Variants in PCDH15 observed in about 807,000 individuals in gnomAD.
PCDH15 encodes protocadherin related 15, also known as protocadherin-15.
A neutral mutation model predicts 178.5 loss-of-function variants in PCDH15; 129 were observed. The ratio of observed to expected loss-of-function variants is 0.72; its 90% CI spans 0.63 to 0.84. The LOEUF (loss-of-function observed/expected upper bound fraction) is 0.84, where lower values mean the gene tolerates loss of function less well. PCDH15 is among the 40% of genes least tolerant of loss of function. The pLI, the probability that PCDH15 is intolerant of heterozygous loss-of-function variation, is 0.00. For synonymous variants in PCDH15, 800 were observed against 732.0 expected (o/e 1.09, Z -1.50); for missense variants, 2,230 against 2,099.9 (o/e 1.06, Z -1.21).
At chr10:55,527,202 A>C (rs555523461) in intron 2 of PCDH15, among the ~76,000 whole-genome samples, 6 of 152,218 alleles carry the variant, frequency 3.9e-5, no homozygotes, top group Admixed American at 2.0e-4. Context: ...GCCATAACAA[A>C]GTACAACAGA....
At chr10:55,293,690 A>T (rs992893382) in intron 1 of PCDH15, among the ~76,000 whole-genome samples, 1 of 152,220 alleles carries the variant, frequency 6.6e-6, no homozygotes. Context: ...TTGCTAAAAC[A>T]TAACAAGAGT....
chr10:55,143,202 CTTTT>C (rs11293437), intron 2 of PCDH15, among the ~76,000 whole-genome samples: 18 of 151,248 alleles, frequency 1.2e-4, no homozygotes, highest in South Asian at 6.3e-4. Flanking sequence ...TCAATTAAAC[CTTTT>C]TTTTTTTAAA....
intron 2 of PCDH15, among the ~76,000 whole-genome samples, chr10:54,535,602 C>T (rs1411084995): frequency 2.7e-5 from 4 of 145,774 alleles, no homozygotes; most frequent in Non-Finnish European, 3.0e-5. Context: ...CCCAGCTATT[C>T]GGGAGGCTGA....
intron 2 of PCDH15, among the ~76,000 whole-genome samples, chr10:55,432,202 G>C (rs189015416): frequency 6.6e-6 from 1 of 151,828 alleles, no homozygotes; most frequent in African/African-American, 2.4e-5. Context: ...AAAGGACAAG[G>C]CATATGGATA....
rs1839562807 is a variant in PCDH15, at chr10:55,178,800, T to C, written c.-155-12149A>G. Among the ~76,000 whole-genome samples the C allele has an allele frequency of 2.0e-5, 3 of 152,114 alleles. 1 individual carries two copies. Among genetic ancestry groups the C allele is most frequent in the African/African-American group, 4.8e-5 (2 of 41,432 alleles). ...GATTGCTGTTCTCACCTTCATTCTG[T>C]TCCTCACCATTAGGTGTCTTTGCCA... On this transcript the variant is annotated intron_variant, in intron 1 of 5. Coordinates refer to the PCDH15 transcript ENST00000458638.
At chr10:55,328,658 A>G (rs564688335) in intron 2 of PCDH15, among the ~76,000 whole-genome samples, 89 of 151,200 alleles carry the variant, frequency 5.9e-4, no homozygotes, top group East Asian at 3.9e-4. Flanking sequence ...TTTTGAGGGG[A>G]AAAAAAACCC....
At chr10:55,194,494 A>G (rs187333913) in intron 1 of PCDH15, among the ~76,000 whole-genome samples, 4 of 152,220 alleles carry the variant, frequency 2.6e-5, no homozygotes, top group Admixed American at 1.3e-4. Flanking sequence ...GCAAAGCCCA[A>G]TGGTGATAGA....
At chr10:53,948,494 G>A (rs529448632) in intron 23 of PCDH15, among the ~76,000 whole-genome samples, 4 of 152,000 alleles carry the variant, frequency 2.6e-5, no homozygotes, top group Non-Finnish European at 5.9e-5. Context: ...TTACTTAATG[G>A]CATAAAATCA....
chr10:53,980,102 T>TC (rs60188155), intron 21 of PCDH15, among the ~76,000 whole-genome samples: 13,542 of 151,638 alleles, frequency 0.089, 1,758 homozygotes, highest in African/African-American at 0.29. Context: ...GCACCTGTAA[T>TC]CCAAGCTACT....
At chr10:54,312,614 G>C (rs2060978904) in intron 8 of PCDH15, among the ~76,000 whole-genome samples, 2 of 152,050 alleles carry the variant, frequency 1.3e-5, no homozygotes, top group Non-Finnish European at 2.9e-5. Flanking sequence ...GCCTATAAGA[G>C]GCTTCAGTGG....
intron 2 of PCDH15, among the ~76,000 whole-genome samples, chr10:54,552,833 G>A (rs1379301750): frequency 2.6e-5 from 4 of 152,006 alleles, no homozygotes; most frequent in Admixed American, 6.6e-5. Flanking sequence ...GGAAATTTCT[G>A]TTCATCAATG....
intron 2 of PCDH15, among the ~76,000 whole-genome samples, chr10:55,078,095 A>G (rs1181809297): frequency 6.6e-6 from 1 of 152,064 alleles, no homozygotes; most frequent in African/African-American, 2.4e-5. Flanking sequence ...TGGAGTTAGT[A>G]TCCTTGGGTA....
chr10:55,073,322 G>A lies in PCDH15; in HGVS notation c.-80+93254C>T, dbSNP rs568880718. 3.3e-5 allele frequency among the ~76,000 whole-genome samples: 5 copies of A among 152,190 alleles called. No individual in the cohort carries two copies. The East Asian group carries it at 9.7e-4, about 29-fold the overall frequency. On this transcript the variant is annotated intron_variant, in intron 2 of 5. Coordinates refer to the PCDH15 transcript ENST00000458638. ...GGAAGTCAAATTGTCCCTGTTTGCA[G>A]ATGACATGATTGTATATCTAGAAAA... is the stretch of plus-strand genomic sequence containing the variant.
chr10:54,246,117 C>G (rs947552407), intron 8 of PCDH15, among the ~76,000 whole-genome samples: 4 of 151,862 alleles, frequency 2.6e-5, no homozygotes, highest in African/African-American at 7.2e-5. Context: ...GATGTGTTGA[C>G]AAGAATATTC....
intron 2 of PCDH15, chr10:55,468,318 A>C (rs1589055208): frequency 6.6e-6 from 1 of 152,150 alleles, no homozygotes; most frequent in East Asian, 1.9e-4. Flanking sequence ...AAAGTAGAAA[A>C]TGGAATTTAG....
chr10:53,823,249 G>A (rs776765685), intron 32 of PCDH15: 2 of 1,613,982 alleles, frequency 1.2e-6, no homozygotes, highest in East Asian at 4.5e-5. Flanking sequence ...GCTGACTTGT[G>A]AGCCTCAATA....
intron 8 of PCDH15, among the ~76,000 whole-genome samples, chr10:54,295,322 G>C (rs533588134): frequency 6.6e-6 from 1 of 152,170 alleles, no homozygotes; most frequent in African/African-American, 2.4e-5. Flanking sequence ...GGACCAATCA[G>C]CACTCTGTAA....
At chr10:55,411,042 T>C (rs1311942918) in intron 2 of PCDH15, among the ~76,000 whole-genome samples, 1 of 151,960 alleles carries the variant, frequency 6.6e-6, no homozygotes, top group Non-Finnish European at 1.5e-5. Context: ...GTAATGAAGG[T>C]GGAATTGAAG....
chr10:54,562,793 G>A (rs959871902), intron 2 of PCDH15, among the ~76,000 whole-genome samples: 2 of 152,058 alleles, frequency 1.3e-5, no homozygotes, highest in African/African-American at 4.8e-5. Context: ...ATATAGCACG[G>A]AATGATTGAA....
Sources: allele counts gnomAD v4.1 joint callset (sites outside exome capture counted in the v4.1 genomes callset), GRCh38; gene constraint gnomAD v4.1.1; transcripts MANE v1.5; gene names NCBI Gene and HGNC (gene_info 2026-07-23, HGNC 2026-07-21).